Variants in SCHIP1 observed in about 807,000 individuals in gnomAD.
SCHIP1 encodes schwannomin interacting protein 1.
SCHIP1 carries 8 observed loss-of-function variants against 29.7 expected under a neutral mutation model. The ratio of observed to expected loss-of-function variants is 0.27; its 90% CI spans 0.16 to 0.49. SCHIP1 has a LOEUF of 0.49. Among genes scored for constraint, SCHIP1 ranks in the 20% least tolerant of loss-of-function variants. SCHIP1 has a pLI of 0.99. For synonymous variants in SCHIP1, 76 were observed against 94.9 expected, an observed-to-expected ratio of 0.80 and a Z score of 1.16; for missense variants, 193 against 294.6, an observed-to-expected ratio of 0.66 and a Z score of 2.52.
the SCHIP1 span, among the ~76,000 whole-genome samples, chr3:159,812,358 A>G: frequency 6.6e-6 from 1 of 152,206 alleles, no homozygotes. Context: ...CATAAGGCCA[A>G]ATTGAACTCA....
the SCHIP1 span, among the ~76,000 whole-genome samples, chr3:159,446,351 G>A: frequency 6.6e-6 from 1 of 152,036 alleles, no homozygotes; most frequent in Non-Finnish European, 1.5e-5. Context: ...ATAGAAAGAG[G>A]TGGGAGAGAA....
the SCHIP1 span, among the ~76,000 whole-genome samples, chr3:159,352,343 A>G: frequency 3.9e-5 from 6 of 152,302 alleles, no homozygotes; most frequent in South Asian, 8.3e-4. Context: ...TAATCCTCTT[A>G]CGTAGGTAGG....
the SCHIP1 span, among the ~76,000 whole-genome samples, chr3:159,537,646 C>A: frequency 6.6e-6 from 1 of 152,142 alleles, no homozygotes; most frequent in Non-Finnish European, 1.5e-5. Context: ...CCTGCTGATG[C>A]CCTTTTTTAA....
chr3:159,543,473 T>C, the SCHIP1 span, among the ~76,000 whole-genome samples: 1 of 149,350 alleles, frequency 6.7e-6, no homozygotes, highest in Non-Finnish European at 1.5e-5. Context: ...CGGTGTTTGG[T>C]TTTTTGTCCT....
chr3:159,494,728 G>A, the SCHIP1 span, among the ~76,000 whole-genome samples: 1 of 152,162 alleles, frequency 6.6e-6, no homozygotes, highest in Non-Finnish European at 1.5e-5. Context: ...AATAGAAAAA[G>A]AGGGAATCCT....
chr3:159,598,672 A>G, the SCHIP1 span, among the ~76,000 whole-genome samples: 1 of 152,168 alleles, frequency 6.6e-6, no homozygotes, highest in East Asian at 1.9e-4. Context: ...TCCAGGGACA[A>G]GGTGCAAGAT....
chr3:159,584,086 A>G, the SCHIP1 span, among the ~76,000 whole-genome samples: 27 of 152,156 alleles, frequency 1.8e-4, no homozygotes, highest in African/African-American at 6.5e-4. Flanking sequence ...CCCTCTTTTC[A>G]CTTAATATTC....
At chr3:159,575,046 C>A in the SCHIP1 span, among the ~76,000 whole-genome samples, 1 of 152,216 alleles carries the variant, frequency 6.6e-6, no homozygotes, top group Non-Finnish European at 1.5e-5. Context: ...ATCCCCCAAC[C>A]CCTTGTGCTT....
chr3:159,524,177 G>A, the SCHIP1 span, among the ~76,000 whole-genome samples: 1 of 152,228 alleles, frequency 6.6e-6, no homozygotes, highest in Non-Finnish European at 1.5e-5. Flanking sequence ...ATGTCCAGCT[G>A]CCACATGAGG....
At chr3:159,419,335 G>A in the SCHIP1 span, among the ~76,000 whole-genome samples, 1 of 152,164 alleles carries the variant, frequency 6.6e-6, no homozygotes. Flanking sequence ...GACACACAGA[G>A]GACTCCCAAT....
chr3:159,394,823 G>C, the SCHIP1 span, among the ~76,000 whole-genome samples: 1 of 151,998 alleles, frequency 6.6e-6, no homozygotes, highest in African/African-American at 2.4e-5. Context: ...AATGATGCTG[G>C]CCTCATAAAA....
the SCHIP1 span, among the ~76,000 whole-genome samples, chr3:159,461,960 A>G: frequency 6.6e-6 from 1 of 152,168 alleles, no homozygotes; most frequent in Non-Finnish European, 1.5e-5. Flanking sequence ...CTGTAATCCT[A>G]GCACTTTGAA....
chr3:159,450,552 A>G, the SCHIP1 span, among the ~76,000 whole-genome samples: 1 of 152,174 alleles, frequency 6.6e-6, no homozygotes, highest in African/African-American at 2.4e-5. Flanking sequence ...ATAAACGTTG[A>G]ATTTATATAG....
the SCHIP1 span, among the ~76,000 whole-genome samples, chr3:159,411,100 G>A: frequency 6.6e-6 from 1 of 152,016 alleles, no homozygotes; most frequent in African/African-American, 2.4e-5. Flanking sequence ...TGGAGACAGA[G>A]GATAGAATAA....
At chr3:159,627,360 A>G in the SCHIP1 span, among the ~76,000 whole-genome samples, 3 of 152,238 alleles carry the variant, frequency 2.0e-5, no homozygotes, top group African/African-American at 7.2e-5. Flanking sequence ...ATCCACAGGA[A>G]TGGCCCCAGG....
chr3:159,352,463 T>C, the SCHIP1 span, among the ~76,000 whole-genome samples: 2 of 152,238 alleles, frequency 1.3e-5, no homozygotes, highest in African/African-American at 4.8e-5. Context: ...TTTCCTTCAA[T>C]GGTAACATCT....
the SCHIP1 span, among the ~76,000 whole-genome samples, chr3:159,786,278 T>C: frequency 6.6e-6 from 1 of 152,214 alleles, no homozygotes; most frequent in Non-Finnish European, 1.5e-5. Flanking sequence ...TGCTTTTTTT[T>C]CCAGCAAGTT....
chr3:159,808,971 CT>C, the SCHIP1 span, among the ~76,000 whole-genome samples: 12 of 126,872 alleles, frequency 9.5e-5, no homozygotes, highest in South Asian at 5.5e-4. Flanking sequence ...AAAAAAGAAA[CT>C]TTTTTTTTCT....
At chr3:159,701,989 T>C in the SCHIP1 span, among the ~76,000 whole-genome samples, 4 of 151,750 alleles carry the variant, frequency 2.6e-5, no homozygotes, top group African/African-American at 4.8e-5. Flanking sequence ...ATGATGATCA[T>C]TGTACCTACC....
Sources: allele counts gnomAD v4.1 joint callset (sites outside exome capture counted in the v4.1 genomes callset), GRCh38; gene constraint gnomAD v4.1.1; transcripts MANE v1.5; gene names NCBI Gene and HGNC (gene_info 2026-07-23, HGNC 2026-07-21).